ST3GAL2: variants seen among roughly 807,000 people sequenced by gnomAD.
ST3GAL2 encodes CMP-N-acetylneuraminate-beta-galactosamide-alpha-2,3-sialyltransferase 2.
In ST3GAL2, 16 loss-of-function variants were observed where a neutral mutation model predicts 37.5. That is an observed-to-expected ratio of 0.43 (90% CI 0.29 to 0.65). The LOEUF (loss-of-function observed/expected upper bound fraction) is 0.65, where lower values mean the gene tolerates loss of function less well. Among genes scored for constraint, ST3GAL2 ranks in the 30% least tolerant of loss-of-function variants. ST3GAL2 has a pLI of 0.17. For missense variants in ST3GAL2, 383 were observed against 487.8 expected, an observed-to-expected ratio of 0.79 and a Z score of 2.02; for synonymous variants, 238 against 202.9, an observed-to-expected ratio of 1.17 and a Z score of -1.47.
chr16:70,398,166 C>A (rs753510646), intron 2 of ST3GAL2, 26 bp downstream of exon 2: 3 of 1,601,238 alleles, frequency 1.9e-6, no homozygotes, highest in Admixed American at 1.7e-5. Flanking sequence ...GGGGACAGAT[C>A]CCTGGAAGGG....
At chr16:70,389,350 C>G (rs940529807) in intron 3 of ST3GAL2, among the ~76,000 whole-genome samples, 4 of 151,294 alleles carry the variant, frequency 2.6e-5, no homozygotes, top group African/African-American at 9.7e-5. Context: ...GTCACCCAGG[C>G]TGGAGTGCAG....
intron 4 of ST3GAL2, 100 bp from the exon 5 acceptor site, chr16:70,383,335 G>A (rs1042987425): frequency 2.2e-4 from 269 of 1,195,930 alleles, no homozygotes; most frequent in Non-Finnish European, 2.8e-4. Context: ...TGGATCACCT[G>A]AGGCCAGGAG....
chr16:70,381,814 A>AGT lies in ST3GAL2; in HGVS notation c.926_927dup (p.Tyr310ThrfsTer147). 1 of 1,614,024 alleles carries AGT rather than the reference A, an allele frequency of 6.2e-7. No homozygotes were observed. Among genetic ancestry groups the AGT allele is most frequent in the Non-Finnish European group, 8.5e-7 (1 of 1,179,936 alleles). On this transcript the variant is annotated frameshift_variant, in exon 7 of 7. Transcript: ENST00000342907. LOFTEE classifies it high-confidence loss of function. ...CCCGCGTACCGGTTGTTCTCCCAGT[A>AGT]GTGGTGCCAGTTGCCCCGGCTGTCG...
Position 70,410,702 on chromosome 16 carries a change from G to C in ST3GAL2, c.-1003-11169C>G, listed in dbSNP as rs188117737. 3.3e-3 allele frequency among the ~76,000 whole-genome samples: 497 copies of C among 151,136 alleles called. 2 individuals carry two copies. The highest frequency in any genetic ancestry group is 0.011 in the African/African-American group (443 of 41,162). On this transcript the variant is annotated intron_variant, in intron 1 of 6. Transcript: ENST00000342907. ...CATTCTCTTAACAAGGCAGAAATTT[G>C]GTGTGGCTTAACAATAAAATTCTCT... is the stretch of plus-strand genomic sequence containing the variant.
chr16:70,382,541 C>T (rs958147424), intron 6 of ST3GAL2, among the ~76,000 whole-genome samples: 2 of 152,182 alleles, frequency 1.3e-5, no homozygotes, highest in East Asian at 1.9e-4. Context: ...GCCTCAGCTT[C>T]CCAAAGTGCT....
intron 1 of ST3GAL2, among the ~76,000 whole-genome samples, chr16:70,406,137 G>A (rs944837936): frequency 2.6e-5 from 4 of 151,826 alleles, no homozygotes; most frequent in Non-Finnish European, 5.9e-5. Flanking sequence ...CTCAATAAAG[G>A]TGTTACAACA....
rs1419236141 is a variant in ST3GAL2, at chr16:70,379,665, AG to A, written c.*2023del. On this transcript the variant is annotated 3_prime_UTR_variant, in exon 7 of 7. Transcript: ENST00000342907. ...GAGACAGGGTCTTGCTCTGTCGCCC[AG>A]GCTGGAGTGCAGTGGCACAATCTCG... 1.3e-5 allele frequency: 2 copies of A among 152,250 alleles called. No individual in the cohort carries two copies. Among genetic ancestry groups the A allele is most frequent in the Admixed American group, 1.3e-4 (2 of 15,278 alleles). The allele number at this position is 152,250 out of a possible 1,614,324, so 9.4% of individuals were successfully genotyped here.
chr16:70,414,224 T>C (rs561133719), intron 1 of ST3GAL2, among the ~76,000 whole-genome samples: 1 of 152,254 alleles, frequency 6.6e-6, no homozygotes, highest in African/African-American at 2.4e-5. Context: ...TCTAACAAGA[T>C]TCATAGAACT....
chr16:70,378,597 G>C lies in ST3GAL2; in HGVS notation c.*3092C>G, dbSNP rs1168380033. On this transcript the variant is annotated 3_prime_UTR_variant, in exon 7 of 7. Transcript: ENST00000342907. Reference sequence around the variant, plus strand: ...GTCACCTGTAGTCTCAGCTACTCGGGAGACTGAGGCAGGAGAATGGCGTGA... The same window carrying C: ...GTCACCTGTAGTCTCAGCTACTCGGCAGACTGAGGCAGGAGAATGGCGTGA... The C allele has an allele frequency of 6.6e-6, 1 of 151,582 alleles. No individual in the cohort carries two copies. The highest frequency in any genetic ancestry group is 2.4e-5 in the African/African-American group (1 of 41,194). The allele number at this position is 151,582 out of a possible 1,614,324, so 9.4% of individuals were successfully genotyped here.
intron 1 of ST3GAL2, among the ~76,000 whole-genome samples, chr16:70,405,983 C>T (rs1314963239): frequency 6.6e-6 from 1 of 151,662 alleles, no homozygotes; most frequent in East Asian, 1.9e-4. Flanking sequence ...ATGGCGTGAA[C>T]CCGGGAGGCA....
chr16:70,405,771 C>T (rs1202503699), intron 1 of ST3GAL2, among the ~76,000 whole-genome samples: 1 of 151,792 alleles, frequency 6.6e-6, no homozygotes, highest in Admixed American at 6.6e-5. Flanking sequence ...AGGTTAAAAG[C>T]CACTGACAGC....
intron 1 of ST3GAL2, among the ~76,000 whole-genome samples, chr16:70,403,534 T>C (rs1219549914): frequency 4.0e-5 from 6 of 151,896 alleles, no homozygotes; most frequent in Middle Eastern, 3.4e-3. Context: ...AGTAAAAACG[T>C]TGGGCATGAA....
intron 1 of ST3GAL2, among the ~76,000 whole-genome samples, chr16:70,418,501 C>T (rs1355980816): frequency 6.6e-6 from 1 of 152,194 alleles, no homozygotes; most frequent in African/African-American, 2.4e-5. Context: ...ATACTAACCA[C>T]CAGCAGGGCA....
At chr16:70,406,167 G>A (rs1218485989) in intron 1 of ST3GAL2, among the ~76,000 whole-genome samples, 1 of 152,140 alleles carries the variant, frequency 6.6e-6, no homozygotes, top group Non-Finnish European at 1.5e-5. Context: ...AATGGTGCTG[G>A]GCGTGGTGGC....
intron 4 of ST3GAL2, among the ~76,000 whole-genome samples, chr16:70,387,336 C>G (rs548616348): frequency 9.9e-5 from 15 of 151,198 alleles, no homozygotes; most frequent in Non-Finnish European, 1.9e-4. Context: ...AGGTGGATCA[C>G]TTGATGTCAG....
intron 4 of ST3GAL2, among the ~76,000 whole-genome samples, chr16:70,384,600 G>A (rs1352512364): frequency 6.6e-6 from 1 of 151,718 alleles, no homozygotes; most frequent in African/African-American, 2.4e-5. Context: ...AGCTACTTGG[G>A]AGACTGAGGC....
rs2047404594 is a variant in ST3GAL2, at chr16:70,381,534, GC to G, written c.*154del. On this transcript the variant is annotated 3_prime_UTR_variant, in exon 7 of 7. Coordinates refer to ENST00000342907, the MANE Select transcript of ST3GAL2 (RefSeq NM_006927.4). The stretch of plus-strand genomic sequence containing the variant: ...CCGCCCGACCGCAGCGCAGATTGGT[GC>G]CAGGCCCGGCCGGTCCCCCAGTCTC... 2 of 876,156 alleles carry G rather than the reference GC, an allele frequency of 2.3e-6. No homozygotes were observed. Among genetic ancestry groups the G allele is most frequent in the African/African-American group, 3.4e-5 (2 of 58,674 alleles). 54.3% of individuals were successfully genotyped at this position (876,156 alleles called of 1,614,324 possible).
At chr16:70,426,058 C>T (rs2047747616) in intron 1 of ST3GAL2, among the ~76,000 whole-genome samples, 1 of 152,146 alleles carries the variant, frequency 6.6e-6, no homozygotes, top group Non-Finnish European at 1.5e-5. Flanking sequence ...TGCTGTCTAG[C>T]CATACCTTGA....
At chr16:70,438,136 C>T (rs2047838934) in intron 1 of ST3GAL2, among the ~76,000 whole-genome samples, 1 of 152,206 alleles carries the variant, frequency 6.6e-6, no homozygotes, top group African/African-American at 2.4e-5. Context: ...GGTGCTGACT[C>T]CTCTACAGGC....
Sources: gnomAD v4.1 joint callset for allele counts (sites outside exome capture counted in the v4.1 genomes callset) on GRCh38, gnomAD v4.1.1 for gene constraint, MANE v1.5 for transcripts, NCBI Gene and HGNC (gene_info 2026-07-23, HGNC 2026-07-21) for gene names.